BCL2: variants seen among roughly 807,000 people sequenced by gnomAD.
The protein encoded by BCL2 is apoptosis regulator Bcl-2.
Under a neutral mutation model 14.2 loss-of-function variants are expected in BCL2, and 1 was observed. That is an observed-to-expected ratio of 0.07 (90% CI 0.02 to 0.33). The LOEUF (loss-of-function observed/expected upper bound fraction) is 0.33. Ranked by LOEUF, BCL2 falls within the 10% of genes least tolerant of loss-of-function variation. The probability of loss-of-function intolerance (pLI) is 0.99; values close to 1 mark genes in which losing one functional copy is unlikely to be tolerated. For missense variants in BCL2, 247 were observed against 305.9 expected (o/e 0.81, Z 1.44); for synonymous variants, 151 against 137.2 (o/e 1.10, Z -0.70).
chr18:63,230,114 T>C (rs529614547), intron 2 of BCL2, among the ~76,000 whole-genome samples: 2 of 152,140 alleles, frequency 1.3e-5, no homozygotes, highest in African/African-American at 2.4e-5. Flanking sequence ...ATTGAACAGG[T>C]TCCAGGCCAC....
intron 2 of BCL2, among the ~76,000 whole-genome samples, chr18:63,244,518 C>T (rs147440526): frequency 0.023 from 3,434 of 152,186 alleles, 125 homozygotes; most frequent in African/African-American, 0.079. Flanking sequence ...AAGATCGCAC[C>T]GCTGCACTCC....
chr18:63,132,670 C>T (rs977120864), intron 2 of BCL2, among the ~76,000 whole-genome samples: 1 of 152,156 alleles, frequency 6.6e-6, no homozygotes, highest in South Asian at 2.1e-4. Context: ...GGAGACCCTG[C>T]GGCTTCGGGA....
chr18:63,229,332 G>T (rs116740887), intron 2 of BCL2, among the ~76,000 whole-genome samples: 2,866 of 152,292 alleles, frequency 0.019, 85 homozygotes, highest in African/African-American at 0.066. Flanking sequence ...ATACAGGAAA[G>T]TGGTATTTAG....
chr18:63,303,351 G>A (rs1235430629), intron 2 of BCL2, among the ~76,000 whole-genome samples: 4 of 151,806 alleles, frequency 2.6e-5, no homozygotes, highest in African/African-American at 4.8e-5. Flanking sequence ...GAGTCAAAAG[G>A]GAGACAGAAA....
intron 2 of BCL2, among the ~76,000 whole-genome samples, chr18:63,300,577 C>T (rs1912937169): frequency 6.6e-6 from 1 of 151,986 alleles, no homozygotes; most frequent in Non-Finnish European, 1.5e-5. Context: ...TTTCAGATGA[C>T]TGAAGCCTAA....
chr18:63,181,598 T>C (rs1915483180), intron 2 of BCL2, among the ~76,000 whole-genome samples: 1 of 152,218 alleles, frequency 6.6e-6, no homozygotes, highest in Non-Finnish European at 1.5e-5. Context: ...AACGAAGTTA[T>C]GGGGAGGGTT....
intron 2 of BCL2, among the ~76,000 whole-genome samples, chr18:63,210,551 C>T (rs1217168176): frequency 1.3e-5 from 2 of 152,106 alleles, no homozygotes; most frequent in African/African-American, 2.4e-5. Flanking sequence ...TCTATGAGCA[C>T]ATATATTAAT....
At chr18:63,219,141 A>G (rs1224354551) in intron 2 of BCL2, among the ~76,000 whole-genome samples, 1 of 152,190 alleles carries the variant, frequency 6.6e-6, no homozygotes, top group East Asian at 1.9e-4. Context: ...TATCTTCTGA[A>G]CATACCAGGC....
chr18:63,210,723 A>C (rs564112676), intron 2 of BCL2, among the ~76,000 whole-genome samples: 1 of 152,156 alleles, frequency 6.6e-6, no homozygotes, highest in South Asian at 2.1e-4. Flanking sequence ...CTTTCCTTTC[A>C]GTTCTTTTTT....
chr18:63,232,812 T>C (rs1411594634), intron 2 of BCL2, among the ~76,000 whole-genome samples: 1 of 152,172 alleles, frequency 6.6e-6, no homozygotes, highest in Non-Finnish European at 1.5e-5. Context: ...TGGAAACAAG[T>C]CCAGAGAAGG....
chr18:63,160,005 A>G (rs184245827), intron 2 of BCL2, among the ~76,000 whole-genome samples: 2 of 152,364 alleles, frequency 1.3e-5, no homozygotes, highest in Admixed American at 1.3e-4. Context: ...TTTACATACA[A>G]CAAAATGAAT....
chr18:63,163,326 A>C (rs1017476472), intron 2 of BCL2, among the ~76,000 whole-genome samples: 1 of 151,904 alleles, frequency 6.6e-6, no homozygotes, highest in African/African-American at 2.4e-5. Context: ...ATAGTTCATC[A>C]CATCTGCTCT....
intron 2 of BCL2, among the ~76,000 whole-genome samples, chr18:63,251,834 G>T (rs1412747676): frequency 1.3e-5 from 2 of 151,482 alleles, no homozygotes; most frequent in African/African-American, 4.8e-5. Context: ...AAGTAGCTGG[G>T]ATTACAAGCA....
intron 2 of BCL2, among the ~76,000 whole-genome samples, chr18:63,222,296 A>G (rs1910417203): frequency 1.3e-5 from 2 of 151,344 alleles, no homozygotes; most frequent in Admixed American, 1.3e-4. Context: ...AAAGAAAAAG[A>G]AAAAAGAAAG....
At chr18:63,266,637 T>TCTCTCTCTCTCTCACACACACACACACA (rs1491465885) in intron 2 of BCL2, among the ~76,000 whole-genome samples, 1 of 85,940 alleles carries the variant, frequency 1.2e-5, no homozygotes. Context: ...TCTCTCTCTC[T>TCTCTCTCTCTCTCACACACACACACACA]CACACACACA....
At chr18:63,152,935 T>G (rs1465802602) in intron 2 of BCL2, among the ~76,000 whole-genome samples, 1 of 152,230 alleles carries the variant, frequency 6.6e-6, no homozygotes, top group Non-Finnish European at 1.5e-5. Context: ...GCGTCCAACT[T>G]GCTTGCACGA....
chr18:63,314,283 C>T (rs1034535290), intron 2 of BCL2: 2 of 152,186 alleles, frequency 1.3e-5, no homozygotes, highest in South Asian at 2.1e-4. Context: ...AATCCTCAGA[C>T]ACTAGAAAAA....
At position 63,249,709 on chromosome 18, in the gene BCL2, C is replaced by CAAA. The variant is rs11285614; in HGVS notation, c.585+68370_585+68372dup. ...TGGGTGACAGAGTAAGACTCCGCCT[C>CAAA]AAAAAAAAAAAAAAAAAAAAAAAGG... On this transcript the variant is annotated intron_variant, in intron 2 of 2. Coordinates refer to ENST00000333681, the MANE Select transcript of BCL2 (RefSeq NM_000633.3). 2.8e-3 allele frequency among the ~76,000 whole-genome samples: 150 copies of CAAA among 52,920 alleles called. 2 individuals carry two copies. The highest frequency in any genetic ancestry group is 4.6e-3 in the African/African-American group (54 of 11,722). 34.7% of individuals were successfully genotyped at this position (52,920 alleles called of 152,430 possible). A position where few individuals can be genotyped will look rare whatever the true frequency, so the allele number is the denominator to read the frequency against.
intron 2 of BCL2, among the ~76,000 whole-genome samples, chr18:63,160,987 G>A (rs1383679440): frequency 6.6e-6 from 1 of 152,086 alleles, no homozygotes; most frequent in East Asian, 1.9e-4. Context: ...ATGTCTTCAC[G>A]GCAAAAACAA....
Sources: gnomAD v4.1 joint callset for allele counts (sites outside exome capture counted in the v4.1 genomes callset) on GRCh38, gnomAD v4.1.1 for gene constraint, MANE v1.5 for transcripts, NCBI Gene and HGNC (gene_info 2026-07-23, HGNC 2026-07-21) for gene names.